MYO1F: variants seen among roughly 807,000 people sequenced by gnomAD.
The protein encoded by MYO1F is myosin IF.
MYO1F carries 60 observed loss-of-function variants against 146.6 expected under a neutral mutation model. The ratio of observed to expected loss-of-function variants is 0.41; its 90% CI spans 0.33 to 0.51. The LOEUF is 0.51. MYO1F is among the 20% of genes least tolerant of loss of function. The probability of loss-of-function intolerance (pLI) is 0.25; values close to 1 mark genes in which losing one functional copy is unlikely to be tolerated. For synonymous variants in MYO1F, 602 were observed against 602.1 expected (o/e 1.00, Z 0.00); for missense variants, 1,274 against 1,534.3 (o/e 0.83, Z 2.83).
intron 1 of MYO1F, among the ~76,000 whole-genome samples, chr19:8,570,121 G>A (rs967138885): frequency 2.0e-5 from 3 of 151,566 alleles, no homozygotes; most frequent in Non-Finnish European, 4.4e-5. Context: ...TGTTCAGGCT[G>A]GAGTGCAGCG....
At position 8,530,661 on chromosome 19, in the gene MYO1F, A is replaced by C; in HGVS notation, c.2044-88T>G. On this transcript the variant is annotated intron_variant, in intron 19 of 27. Coordinates refer to ENST00000644032, the MANE Select transcript of MYO1F (RefSeq NM_012335.4). This position sits in a 1 kb window ranked among gnomAD's most constrained non-coding sequence, Gnocchi z 5.8. ...GGTTTTCCCTGCGCTCACCCTACTCACACGCTTTTGCTCACCCATCCCCAC... is the reference window on the plus strand; with the variant it reads ...GGTTTTCCCTGCGCTCACCCTACTCCCACGCTTTTGCTCACCCATCCCCAC... 1 of 1,073,452 alleles carries C rather than the reference A, an allele frequency of 9.3e-7. No individual in the cohort carries two copies. Among genetic ancestry groups the C allele is most frequent in the Non-Finnish European group, 1.4e-6 (1 of 704,312 alleles). The allele number at this position is 1,073,452 out of a possible 1,614,324, so 66.5% of individuals were successfully genotyped here. A position where few individuals can be genotyped will look rare whatever the true frequency, so the allele number is the denominator to read the frequency against.
At chr19:8,564,408 CTG>C (rs1176068969) in intron 1 of MYO1F, among the ~76,000 whole-genome samples, 2 of 151,942 alleles carry the variant, frequency 1.3e-5, no homozygotes, top group Non-Finnish European at 2.9e-5. Flanking sequence ...GAAGGAGGTG[CTG>C]ACTGGGATGC....
chr19:8,521,572 C>G lies in MYO1F; in HGVS notation c.3253G>C (p.Gly1085Arg). Residue 1085 changes from glycine (G) to arginine (R), a missense_variant, in exon 28 of 28, where the codon GGC becomes CGC. By Grantham distance (125) the Gly-to-Arg change is moderately radical (BLOSUM62 -2). Around this residue, in one of 2 missense-constraint regions of MYO1F, gnomAD observed 374 missense variants for 379.2 expected, o/e 0.99. Transcript: ENST00000644032. ...PSGWWKGRLH[G>R]QEGLFPGNYV... Reference sequence around the variant, plus strand: ...TTTCCTGGGAAAAGGCCCTCCTGGCCGTGAAGCCGGCCCTTCCACCAGCCC... The same window carrying G: ...TTTCCTGGGAAAAGGCCCTCCTGGCGGTGAAGCCGGCCCTTCCACCAGCCC... The G allele has an allele frequency of 1.2e-6, 2 of 1,614,144 alleles. No homozygotes were observed. The highest frequency in any genetic ancestry group is 1.7e-6 in the Non-Finnish European group (2 of 1,180,000).
rs564926115 is a variant in MYO1F at position 8,543,888 on chromosome 19, G to C, written c.1524+409C>G. The stretch of plus-strand genomic sequence containing the variant: ...GGTGCTGGTGGTGCTGGTGGTGGTG[G>C]TGGTGGTGCTGGTGGTGGTGGTGGT... On this transcript the variant is annotated intron_variant, in intron 14 of 27. Transcript: ENST00000644032. Among the ~76,000 whole-genome samples, 13 of 87,074 alleles carry C rather than the reference G, an allele frequency of 1.5e-4. 1 individual carries two copies. Among genetic ancestry groups the C allele is most frequent in the Admixed American group, 3.5e-4 (3 of 8,530 alleles). 57.1% of individuals were successfully genotyped at this position (87,074 alleles called of 152,430 possible).
intron 1 of MYO1F, among the ~76,000 whole-genome samples, chr19:8,566,175 T>G (rs2145969036): frequency 6.8e-6 from 1 of 146,344 alleles, no homozygotes; most frequent in South Asian, 2.2e-4. Flanking sequence ...TTTTTTTTTT[T>G]TTTTTTTTTT....
chr19:8,571,563 C>T (rs1462833485), intron 1 of MYO1F, among the ~76,000 whole-genome samples: 3 of 151,344 alleles, frequency 2.0e-5, no homozygotes, highest in East Asian at 1.9e-4. Flanking sequence ...TACAGGCGCC[C>T]GCCACCGCGC....
At position 8,526,783 on chromosome 19, in the gene MYO1F, C is replaced by T. The variant is rs772664504; in HGVS notation, c.2621+6G>A. The T allele has an allele frequency of 5.6e-6, 9 of 1,605,132 alleles. No individual in the cohort carries two copies. The highest frequency in any genetic ancestry group is 7.6e-6 in the Non-Finnish European group (9 of 1,176,772). Reference sequence around the variant, plus strand: ...CGAGATGGTGCTGGGGTTGGCGGGGCCGTACGTGTCGCTGAAGGTGAGGGG... The same window carrying T: ...CGAGATGGTGCTGGGGTTGGCGGGGTCGTACGTGTCGCTGAAGGTGAGGGG... On this transcript the variant is annotated splice_donor_region_variant and intron_variant, in intron 23 of 27. Coordinates refer to ENST00000644032, the MANE Select transcript of MYO1F (RefSeq NM_012335.4).
intron 1 of MYO1F, among the ~76,000 whole-genome samples, chr19:8,560,113 C>T (rs1424153777): frequency 6.6e-6 from 1 of 152,020 alleles, no homozygotes; most frequent in Non-Finnish European, 1.5e-5. Flanking sequence ...CAGCAGCTTC[C>T]TTAAGGACAC....
chr19:8,555,746 G>A lies in MYO1F; in HGVS notation c.54C>T (p.Gly18=), dbSNP rs1032299762. ...HWQSHNVKQS[G]VDDMVLLPQI... ...GGGGAAGAAGCACCATGTCATCCAC[G>A]CCGCTCTGCTTCACGTTGTGGCTCT... Residue 18 remains glycine (G), a synonymous_variant, in exon 2 of 28, where the codon GGC becomes GGT. Transcript: ENST00000644032. The A allele has an allele frequency of 2.2e-5, 35 of 1,613,958 alleles. No homozygotes were observed. The highest frequency in any genetic ancestry group is 2.8e-5 in the Non-Finnish European group (33 of 1,180,032).
intron 1 of MYO1F, among the ~76,000 whole-genome samples, chr19:8,572,059 C>T (rs2042121128): frequency 6.6e-6 from 1 of 152,088 alleles, no homozygotes; most frequent in Admixed American, 6.5e-5. Flanking sequence ...TGGAGCTGGG[C>T]TCTTTGTCTC....
chr19:8,553,868 T>TCTCACACA (rs780705515), intron 4 of MYO1F, among the ~76,000 whole-genome samples: 4 of 121,594 alleles, frequency 3.3e-5, no homozygotes, highest in African/African-American at 1.4e-4. Context: ...TGAGACTCTG[T>TCTCACACA]CACACACACA....
intron 21 of MYO1F, among the ~76,000 whole-genome samples, chr19:8,529,182 A>G (rs1972382728): frequency 6.6e-6 from 1 of 152,178 alleles, no homozygotes; most frequent in African/African-American, 2.4e-5. Flanking sequence ...CTATCCATCC[A>G]GGTAAAGATG....
At chr19:8,527,059 C>A in intron 22 of MYO1F, 124 bp from the exon 23 acceptor site, 1 of 1,313,748 alleles carries the variant, frequency 7.6e-7, no homozygotes, top group South Asian at 1.3e-5. Flanking sequence ...TCAGCGGTGA[C>A]CAGGTAGGAG....
rs771587652 is a variant in MYO1F, at chr19:8,545,519, GCTGGAAGTC to G, written c.1356+122_1356+130del. On this transcript the variant is annotated intron_variant, in intron 13 of 27. Transcript: ENST00000644032. ...AGGGACATTTTGGTTGTTATCTGTC[GCTGGAAGTC>G]CTGAGTGTAGGGTAGAGAAGGGCCT... The G allele has an allele frequency of 6.2e-4, 489 of 793,612 alleles. 2 individuals are homozygous for G. Among genetic ancestry groups the G allele is most frequent in the Non-Finnish European group, 8.5e-4 (374 of 438,038 alleles). The allele number at this position is 793,612 out of a possible 1,614,324, so 49.2% of individuals were successfully genotyped here.
At chr19:8,562,156 A>AT (rs1490847496) in intron 1 of MYO1F, among the ~76,000 whole-genome samples, 1 of 142,818 alleles carries the variant, frequency 7.0e-6, no homozygotes, top group Non-Finnish European at 1.5e-5. Context: ...TGCCCGGCTA[A>AT]TTTTTTCTTT....
intron 1 of MYO1F, among the ~76,000 whole-genome samples, chr19:8,576,198 C>T (rs1555733789): frequency 6.6e-6 from 1 of 152,162 alleles, no homozygotes; most frequent in Non-Finnish European, 1.5e-5. Flanking sequence ...GAGGTTTCAC[C>T]ACGTTGGCCA....
intron 15 of MYO1F, 80 bp from the exon 16 acceptor site, chr19:8,540,108 C>T: frequency 1.8e-6 from 2 of 1,094,956 alleles, no homozygotes; most frequent in South Asian, 2.8e-5. Flanking sequence ...GGGGCAGCCT[C>T]AATGCCGCAA....
At position 8,550,373 on chromosome 19, in the gene MYO1F, C is replaced by G. The variant is rs1386848375; in HGVS notation, c.905-17G>C. The G allele has an allele frequency of 6.2e-7, 1 of 1,605,432 alleles. No individual in the cohort carries two copies. ...AGGCCAGGACTACCAGGGCAAAGGT[C>G]AGGGCAAAAATGGGACAGTTGGTTG... On this transcript the variant is annotated splice_polypyrimidine_tract_variant and intron_variant, in intron 9 of 27. Coordinates refer to ENST00000644032, the MANE Select transcript of MYO1F (RefSeq NM_012335.4).
Position 8,522,485 on chromosome 19 carries a change from G to A in MYO1F, c.3112C>T (p.Gln1038Ter). 6.2e-7 allele frequency: 1 copy of A among 1,613,870 alleles called. No individual in the cohort carries two copies. The highest frequency in any genetic ancestry group is 1.1e-5 in the South Asian group (1 of 91,054). The change falls in exon 27 of 28, where the codon CAG (glutamine) becomes TAG (stop). Residue 1038 changes from glutamine (Q) to a stop codon, truncating the protein, a stop_gained. Coordinates refer to ENST00000644032, the MANE Select transcript of MYO1F (RefSeq NM_012335.4). LOFTEE classifies it high-confidence loss of function. ...PVPGVGRPKP[Q>*]PRTHGPRCRA... ...CACCTGGGACCATGTGTCCGAGGCT[G>A]GGGCTTGGGTCGGCCCACACCAGGC...
Sources: allele counts gnomAD v4.1 joint callset (sites outside exome capture counted in the v4.1 genomes callset), GRCh38; gene constraint gnomAD v4.1.1; regional missense constraint gnomAD v4.1.1; non-coding constraint Gnocchi (gnomAD v3.1); transcripts MANE v1.5; gene names NCBI Gene and HGNC (gene_info 2026-07-23, HGNC 2026-07-21).